Variants in CDC42BPA observed in about 807,000 individuals in gnomAD.
The protein encoded by CDC42BPA is CDC42 binding protein kinase alpha, also known as serine/threonine-protein kinase MRCK alpha.
Under a neutral mutation model 223.5 loss-of-function variants are expected in CDC42BPA, and 80 were observed. That is an observed-to-expected ratio of 0.36 (90% confidence interval 0.30 to 0.43). The LOEUF is 0.43. CDC42BPA is among the 20% of genes least tolerant of loss of function. The probability of loss-of-function intolerance (pLI) is 1.00; values close to 1 mark genes in which losing one functional copy is unlikely to be tolerated. For missense variants in CDC42BPA, 1,743 were observed against 2,099.9 expected, an observed-to-expected ratio of 0.83 and a Z score of 3.32; for synonymous variants, 694 against 718.6, an observed-to-expected ratio of 0.97 and a Z score of 0.55.
intron 12 of CDC42BPA, among the ~76,000 whole-genome samples, chr1:227,115,891 A>G (rs1687709007): frequency 6.6e-6 from 1 of 151,956 alleles, no homozygotes; most frequent in African/African-American, 2.4e-5. Context: ...AAACACGTCA[A>G]TCTCACTTAT....
chr1:227,072,055 G>A (rs1055965737), intron 20 of CDC42BPA, among the ~76,000 whole-genome samples, 153 bp downstream of exon 20: 3 of 151,852 alleles, frequency 2.0e-5, no homozygotes, highest in Non-Finnish European at 4.4e-5. Flanking sequence ...GTATGCACAT[G>A]CATCATATAT....
rs1657528879 is a variant in CDC42BPA at position 227,132,915 on chromosome 1, T to C, written c.1391-3684A>G. On this transcript the variant is annotated intron_variant, in intron 10 of 36. Transcript: ENST00000366766. Reference sequence around the variant, plus strand: ...CCTGGCAACCGCCCCGACTGAGAGGTGAGGAGCCCCTCCGCCCGGCAGCCG... The same window carrying C: ...CCTGGCAACCGCCCCGACTGAGAGGCGAGGAGCCCCTCCGCCCGGCAGCCG... Among the ~76,000 whole-genome samples the C allele has an allele frequency of 5.5e-5, 8 of 145,882 alleles. 1 individual carries two copies. The South Asian group carries it at 1.8e-3, about 32-fold the overall frequency.
chr1:227,227,639 G>A (rs759071911), intron 2 of CDC42BPA, among the ~76,000 whole-genome samples: 5 of 152,160 alleles, frequency 3.3e-5, no homozygotes, highest in Non-Finnish European at 7.3e-5. Flanking sequence ...AGGCATCATA[G>A]CTGGCCTTCA....
intron 4 of CDC42BPA, among the ~76,000 whole-genome samples, chr1:227,198,805 A>G (rs954518507): frequency 6.6e-6 from 1 of 151,184 alleles, no homozygotes; most frequent in African/African-American, 2.4e-5. Flanking sequence ...CCCAGGCTGG[A>G]GTGCAGTGGC....
chr1:227,136,424 T>C (rs1445070433), intron 10 of CDC42BPA, among the ~76,000 whole-genome samples: 1 of 152,082 alleles, frequency 6.6e-6, no homozygotes, highest in East Asian at 1.9e-4. Flanking sequence ...TATACACAAT[T>C]ACAGTCCCAG....
intron 14 of CDC42BPA, among the ~76,000 whole-genome samples, chr1:227,110,746 A>G (rs985877901): frequency 4.0e-4 from 61 of 152,342 alleles, no homozygotes; most frequent in African/African-American, 1.4e-3. Context: ...CTAGAGGTAT[A>G]TAGAAGACAC....
rs771900879 is a variant in CDC42BPA, at chr1:227,102,902, T to C, written c.2002-1663A>G. 6.6e-5 allele frequency among the ~76,000 whole-genome samples: 10 copies of C among 152,206 alleles called. No homozygotes were observed. The East Asian group carries it at 1.4e-3, about 21-fold the overall frequency. ...AATCTCAGTATGTACCCCTACCCAA[T>C]AGCATTTTATAAAATCCAGTAATAA... On this transcript the variant is annotated intron_variant, in intron 14 of 36. Coordinates refer to ENST00000366766, the MANE Select transcript of CDC42BPA (RefSeq NM_001394014.1).
chr1:227,301,692 C>T (rs756610771), intron 1 of CDC42BPA, among the ~76,000 whole-genome samples: 3 of 152,112 alleles, frequency 2.0e-5, no homozygotes, highest in Non-Finnish European at 4.4e-5. Context: ...AAAACTACAG[C>T]TGTTTTTAAA....
chr1:227,274,171 G>A (rs1572784388), intron 1 of CDC42BPA, among the ~76,000 whole-genome samples: 2 of 152,092 alleles, frequency 1.3e-5, no homozygotes, highest in East Asian at 3.9e-4. Context: ...TCATGAATAG[G>A]GTAGTAGAGA....
intron 1 of CDC42BPA, among the ~76,000 whole-genome samples, chr1:227,306,570 T>C (rs565522440): frequency 1.3e-5 from 2 of 152,326 alleles, no homozygotes; most frequent in East Asian, 3.9e-4. Flanking sequence ...AAACAGATAC[T>C]ACAGTAGACC....
chr1:227,236,456 T>C (rs1173797850), intron 2 of CDC42BPA, among the ~76,000 whole-genome samples: 1 of 152,218 alleles, frequency 6.6e-6, no homozygotes, highest in Non-Finnish European at 1.5e-5. Flanking sequence ...TATTCAAAGT[T>C]TTTGTATTTC....
rs1664908766 is a variant in CDC42BPA at position 227,010,233 on chromosome 1, G to A, written c.4858-5122C>T. The stretch of plus-strand genomic sequence containing the variant: ...GCCACAATCCTTCAGAATACAGCAT[G>A]CTTTTTAAATTTTCCTCTTTCTTTG... On this transcript the variant is annotated intron_variant, in intron 34 of 36. Coordinates refer to ENST00000366766, the MANE Select transcript of CDC42BPA (RefSeq NM_001394014.1). Among the ~76,000 whole-genome samples the A allele has an allele frequency of 2.0e-5, 3 of 152,116 alleles. No individual in the cohort carries two copies. In the South Asian group the frequency reaches 6.2e-4, roughly 31 times the overall value.
intron 6 of CDC42BPA, among the ~76,000 whole-genome samples, chr1:227,160,111 A>G (rs1663595488): frequency 6.6e-6 from 1 of 152,228 alleles, no homozygotes. Flanking sequence ...TGAAAAAGGG[A>G]TTCATTTGTT....
chr1:227,144,574 CAAAAAAAAAAAAAAAA>C (rs57568297), intron 8 of CDC42BPA, among the ~76,000 whole-genome samples: 8 of 63,474 alleles, frequency 1.3e-4, no homozygotes, highest in Non-Finnish European at 1.6e-4. Context: ...GACTCTGTCT[CAAAAAAAAAAAAAAAA>C]AAAAAAAAAA....
In CDC42BPA at chr1:227,119,808, T is replaced by C. The variant is rs1444219882; in HGVS notation, c.1643A>G (p.Asn548Ser). 1 of 1,568,342 alleles carries C rather than the reference T, an allele frequency of 6.4e-7. No homozygotes were observed. The highest frequency in any genetic ancestry group is 8.7e-7 in the Non-Finnish European group (1 of 1,152,650). ...KTLQQEREDL[N>S]KELVQASERL... The stretch of plus-strand genomic sequence containing the variant: ...TGATCTAGTCACATATTTTACCTTA[T>C]TTAGATCTTCTCTTTCTTGTTGTAA... Residue 548 changes from asparagine to serine, a missense_variant, in exon 12 of 37, where the codon AAT (asparagine) becomes AGT (serine). Asn to Ser is a conservative substitution (Grantham distance 46). Transcript: ENST00000366766.
At chr1:227,019,895 A>G (rs1410949394) in intron 32 of CDC42BPA, among the ~76,000 whole-genome samples, 3 of 151,822 alleles carry the variant, frequency 2.0e-5, no homozygotes, top group Non-Finnish European at 2.9e-5. Flanking sequence ...TAGAGTTACC[A>G]TAATTCTTTT....
At chr1:227,026,224 T>A in intron 30 of CDC42BPA, 72 bp from the exon 31 acceptor site, 2 of 781,540 alleles carry the variant, frequency 2.6e-6, no homozygotes, top group Non-Finnish European at 4.3e-6. Flanking sequence ...TTGAAAGGTC[T>A]ACACTAAATA....
chr1:227,313,629 C>T (rs564161214), intron 1 of CDC42BPA, among the ~76,000 whole-genome samples: 2 of 136,216 alleles, frequency 1.5e-5, no homozygotes, highest in East Asian at 2.2e-4. Context: ...TTTGATAATT[C>T]GGACTGATTA....
intron 2 of CDC42BPA, among the ~76,000 whole-genome samples, chr1:227,220,282 T>TTACATATATATATA (rs1675597007): frequency 9.9e-6 from 1 of 100,898 alleles, no homozygotes; most frequent in African/African-American, 4.0e-5. Context: ...AAAAGTCATG[T>TTACATATATATATA]TATATATATA....
Sources: allele counts gnomAD v4.1 joint callset (sites outside exome capture counted in the v4.1 genomes callset), GRCh38; gene constraint gnomAD v4.1.1; transcripts MANE v1.5; gene names NCBI Gene and HGNC (gene_info 2026-07-23, HGNC 2026-07-21).